Variants in FAM110D observed in about 807,000 individuals in gnomAD.
FAM110D encodes the protein family with sequence similarity 110 member D.
For missense variants in FAM110D, 376 were observed against 395.6 expected, an observed-to-expected ratio of 0.95 and a Z score of 0.42; for synonymous variants, 174 against 189.4, an observed-to-expected ratio of 0.92 and a Z score of 0.67.
At chr1:26,160,566 G>A (rs114322622) in intron 1 of FAM110D, among the ~76,000 whole-genome samples, 2,042 of 152,314 alleles carry the variant, frequency 0.013, 42 homozygotes, top group African/African-American at 0.047. Flanking sequence ...CTCCAAGCCA[G>A]TTTCCTCTTC....
chr1:26,162,023 G>C lies in FAM110D; in HGVS notation c.732G>C (p.Ser244=). 1 of 1,241,162 alleles carries C rather than the reference G, an allele frequency of 8.1e-7. No homozygotes were observed. Among genetic ancestry groups the C allele is most frequent in the Admixed American group, 4.3e-5 (1 of 23,446 alleles). The allele number at this position is 1,241,162 out of a possible 1,614,324, so 76.9% of individuals were successfully genotyped here. ...GSARDRRPPV[S]VVERNARVIQ... The stretch of plus-strand genomic sequence containing the variant: ...CGCGGGACCGGCGCCCCCCGGTGTC[G>C]GTGGTGGAGCGCAACGCGCGCGTCA... Residue 244 remains serine, a synonymous_variant, in exon 2 of 2, where the codon TCG becomes TCC. Transcript: ENST00000374268. The surrounding 1 kb of genome is among the most constrained non-coding windows in gnomAD (Gnocchi z 5.3).
intron 1 of FAM110D, among the ~76,000 whole-genome samples, chr1:26,159,408 T>G (rs556614476): frequency 1.3e-5 from 2 of 152,114 alleles, no homozygotes; most frequent in East Asian, 3.9e-4. Flanking sequence ...ATTTTGGTCC[T>G]TGTGATTAGG....
Position 26,162,090 on chromosome 1 carries a change from C to T in FAM110D, c.799C>T (p.Arg267Cys). 7.9e-7 allele frequency: 1 copy of T among 1,271,236 alleles called. No individual in the cohort carries two copies. Among genetic ancestry groups the T allele is most frequent in the Non-Finnish European group, 9.9e-7 (1 of 1,009,588 alleles). The allele number at this position is 1,271,236 out of a possible 1,614,324, so 78.7% of individuals were successfully genotyped here. A position where few individuals can be genotyped will look rare whatever the true frequency, so the allele number is the denominator to read the frequency against. The change falls in exon 2 of 2, where the codon CGC becomes TGC. Residue 267 changes from arginine to cysteine, a missense_variant. Arg to Cys is a radical substitution (Grantham distance 180). Transcript: ENST00000374268. This position sits in a 1 kb window ranked among gnomAD's most constrained non-coding sequence, Gnocchi z 5.3. ...CTGCCAGCGCGCCCGCGGACCGCCG[C>T]GCGAGTCCGAGGTGTGACCGCCGCG... Reference protein sequence around the residue: ...YGCQRARGPPRESEV With the variant: ...YGCQRARGPPCESEV
Position 26,162,215 on chromosome 1 carries a change from G to T in FAM110D, c.*108G>T. The T allele has an allele frequency of 1.4e-6, 1 of 695,118 alleles. No individual in the cohort carries two copies. The allele number at this position is 695,118 out of a possible 1,614,324, so 43.1% of individuals were successfully genotyped here. A position where few individuals can be genotyped will look rare whatever the true frequency, so the allele number is the denominator to read the frequency against. On this transcript the variant is annotated 3_prime_UTR_variant, in exon 2 of 2. Coordinates refer to ENST00000374268, the MANE Select transcript of FAM110D (RefSeq NM_024869.3). The surrounding 1 kb of genome is among the most constrained non-coding windows in gnomAD (Gnocchi z 5.3). ...CGTAAGCCCTTCCTTCTGGAACTCA[G>T]TTTCGCGTCTGAACCTTGGGGAGGT... is the stretch of plus-strand genomic sequence containing the variant.
chr1:26,161,320 C>T lies in FAM110D; in HGVS notation c.29C>T (p.Ser10Phe). ...CTCCTGGCCCCTCCCTCCACCCCGTCCAGAGGACGGACCCCCAGCGCCGTG... is the reference window on the plus strand; with the variant it reads ...CTCCTGGCCCCTCCCTCCACCCCGTTCAGAGGACGGACCCCCAGCGCCGTG... Reference protein sequence around the residue: MLLAPPSTPSRGRTPSAVER... With the variant: MLLAPPSTPFRGRTPSAVER... Residue 10 changes from serine (S) to phenylalanine (F), a missense_variant, in exon 2 of 2, where the codon TCC becomes TTC. Coordinates refer to ENST00000374268, the MANE Select transcript of FAM110D (RefSeq NM_024869.3). This position sits in a 1 kb window ranked among gnomAD's most constrained non-coding sequence, Gnocchi z 5.4. 6.3e-7 allele frequency: 1 copy of T among 1,588,254 alleles called. No homozygotes were observed. The highest frequency in any genetic ancestry group is 8.6e-7 in the Non-Finnish European group (1 of 1,167,712).
rs1302705491 is a variant in FAM110D, at chr1:26,161,600, G to A, written c.309G>A (p.Lys103=). 6.4e-7 allele frequency: 1 copy of A among 1,550,464 alleles called. No individual in the cohort carries two copies. The highest frequency in any genetic ancestry group is 2.4e-5 in the East Asian group (1 of 40,960). ...CTTCGGTGAACAAAGAGAACGCCAA[G>A]GGCCAGGGTCTGGTGCGGCGCCTCT... ...CKASVNKENA[K]GQGLVRRLFL... The change falls in exon 2 of 2, where the codon AAG becomes AAA. Residue 103 remains lysine, a synonymous_variant. Transcript: ENST00000374268. The surrounding 1 kb of genome is among the most constrained non-coding windows in gnomAD (Gnocchi z 5.4).
chr1:26,162,314 G>T lies in FAM110D; in HGVS notation c.*207G>T, dbSNP rs543676566. 275 of 379,904 alleles carry T rather than the reference G, an allele frequency of 7.2e-4. No homozygotes were observed. Among genetic ancestry groups the T allele is most frequent in the Non-Finnish European group, 1.1e-3 (228 of 205,624 alleles). The allele number at this position is 379,904 out of a possible 1,614,324, so 23.5% of individuals were successfully genotyped here. On this transcript the variant is annotated 3_prime_UTR_variant, in exon 2 of 2. Transcript: ENST00000374268. This position sits in a 1 kb window ranked among gnomAD's most constrained non-coding sequence, Gnocchi z 5.3. ...GAGGGAGAGGCCTCTTGGTCCCTGT[G>T]GAGACCCGGTCTGGGGAGTCACGAT... is the stretch of plus-strand genomic sequence containing the variant.
chr1:26,160,883 T>G (rs2088360212), intron 1 of FAM110D, among the ~76,000 whole-genome samples: 1 of 152,268 alleles, frequency 6.6e-6, no homozygotes, highest in Non-Finnish European at 1.5e-5. Context: ...AGAGGTATTT[T>G]TTCCGGTTGA....
In FAM110D at chr1:26,161,431, C is replaced by A; in HGVS notation, c.140C>A (p.Pro47His). Residue 47 changes from proline to histidine, a missense_variant, in exon 2 of 2, where the codon CCT becomes CAT. Transcript: ENST00000374268. The surrounding 1 kb of genome is among the most constrained non-coding windows in gnomAD (Gnocchi z 5.4). ...CAGGAGCCAGCCCTGCGTGGGAGTC[C>A]TGGGCCGCTCACGCCGCACCCCTGC... ...RRQEPALRGSPGPLTPHPCNE... is the reference protein window; with the variant it reads ...RRQEPALRGSHGPLTPHPCNE... The A allele has an allele frequency of 6.3e-7, 1 of 1,589,786 alleles. No homozygotes were observed. The highest frequency in any genetic ancestry group is 2.3e-5 in the East Asian group (1 of 43,512).
Position 26,161,591 on chromosome 1 carries a change from G to A in FAM110D, c.300G>A (p.Glu100=), listed in dbSNP as rs777080819. The change falls in exon 2 of 2, where the codon GAG becomes GAA. Residue 100 remains glutamate (E), a synonymous_variant. Transcript: ENST00000374268. This position sits in a 1 kb window ranked among gnomAD's most constrained non-coding sequence, Gnocchi z 5.4. ...KRDCKASVNK[E]NAKGQGLVRR... is the part of the protein sequence containing the mutation. ...ACTGCAAGGCTTCGGTGAACAAAGA[G>A]AACGCCAAGGGCCAGGGTCTGGTGC... 18 of 1,550,306 alleles carry A rather than the reference G, an allele frequency of 1.2e-5. No individual in the cohort carries two copies. The African/African-American group carries it at 2.3e-4, about 20-fold the overall frequency.
chr1:26,160,155 G>A (rs1468675026), intron 1 of FAM110D, among the ~76,000 whole-genome samples: 3 of 150,276 alleles, frequency 2.0e-5, no homozygotes, highest in African/African-American at 7.4e-5. Flanking sequence ...GCAGTGGTGC[G>A]CGATCTCGGC....
Position 26,161,102 on chromosome 1 carries a change from G to T in FAM110D, c.-80-110G>T, listed in dbSNP as rs1036742292. 2 of 586,056 alleles carry T rather than the reference G, an allele frequency of 3.4e-6. No individual in the cohort carries two copies. The highest frequency in any genetic ancestry group is 4.9e-5 in the South Asian group (2 of 40,926). 36.3% of individuals were successfully genotyped at this position (586,056 alleles called of 1,614,324 possible). A position where few individuals can be genotyped will look rare whatever the true frequency, so the allele number is the denominator to read the frequency against. On this transcript the variant is annotated intron_variant, in intron 1 of 1. Coordinates refer to ENST00000374268, the MANE Select transcript of FAM110D (RefSeq NM_024869.3). This position sits in a 1 kb window ranked among gnomAD's most constrained non-coding sequence, Gnocchi z 5.4. The stretch of plus-strand genomic sequence containing the variant: ...CCTCTGCTCCCTGGATGTGGCACCG[G>T]CTAACCTGGATGGGAGAGGGTGGCT...
chr1:26,160,096 CT>C (rs1165832975), intron 1 of FAM110D, among the ~76,000 whole-genome samples: 113 of 121,532 alleles, frequency 9.3e-4, no homozygotes, highest in Admixed American at 1.4e-3. Flanking sequence ...TTTTTTTTTT[CT>C]TTTTTTTTTT....
rs2124491188 is a variant in FAM110D, at chr1:26,161,153, G to A, written c.-80-59G>A. Reference sequence around the variant, plus strand: ...GACTGATCCTATACTGAGGAATGCCGGCAGGAGAGGACCAGGGGCATTTCC... The same window carrying A: ...GACTGATCCTATACTGAGGAATGCCAGCAGGAGAGGACCAGGGGCATTTCC... On this transcript the variant is annotated intron_variant, in intron 1 of 1. Coordinates refer to ENST00000374268, the MANE Select transcript of FAM110D (RefSeq NM_024869.3). The surrounding 1 kb of genome is among the most constrained non-coding windows in gnomAD (Gnocchi z 5.4). 7 of 859,696 alleles carry A rather than the reference G, an allele frequency of 8.1e-6. No individual in the cohort carries two copies. Among genetic ancestry groups the A allele is most frequent in the African/African-American group, 1.7e-5 (1 of 58,572 alleles). 53.3% of individuals were successfully genotyped at this position (859,696 alleles called of 1,614,324 possible). A position where few individuals can be genotyped will look rare whatever the true frequency, so the allele number is the denominator to read the frequency against.
In FAM110D at chr1:26,161,388, C is replaced by T. The variant is rs1442215495; in HGVS notation, c.97C>T (p.Gln33Ter). Residue 33 changes from glutamine to a stop codon, truncating the protein, a stop_gained, in exon 2 of 2, where the codon CAG becomes TAG. Coordinates refer to ENST00000374268, the MANE Select transcript of FAM110D (RefSeq NM_024869.3). LOFTEE classifies it low-confidence loss of function (END_TRUNC). The surrounding 1 kb of genome is among the most constrained non-coding windows in gnomAD (Gnocchi z 5.4). ...CAAAGCCAAGTATGTCAAGACGCAC[C>T]AGGTGATAGCTAGGCGACAGGAGCC... is the stretch of plus-strand genomic sequence containing the variant. Reference protein sequence around the residue: ...ADKAKYVKTHQVIARRQEPAL... With the variant: ...ADKAKYVKTH 1 of 1,598,922 alleles carries T rather than the reference C, an allele frequency of 6.3e-7. No individual in the cohort carries two copies. Among genetic ancestry groups the T allele is most frequent in the East Asian group, 2.3e-5 (1 of 44,034 alleles).
Position 26,161,830 on chromosome 1 carries a change from G to A in FAM110D, c.539G>A (p.Gly180Asp), listed in dbSNP as rs2088372978. The change falls in exon 2 of 2, where the codon GGC becomes GAC. Residue 180 changes from glycine to aspartate, a missense_variant. Coordinates refer to ENST00000374268, the MANE Select transcript of FAM110D (RefSeq NM_024869.3). The surrounding 1 kb of genome is among the most constrained non-coding windows in gnomAD (Gnocchi z 5.4). Reference protein sequence around the residue: ...GLERALVEVLGAERFSPQSWG... With the variant: ...GLERALVEVLDAERFSPQSWG... ...GAGCGCGCGCTGGTGGAGGTGCTGGGCGCAGAGCGCTTCTCCCCGCAGAGC... is the reference window on the plus strand; with the variant it reads ...GAGCGCGCGCTGGTGGAGGTGCTGGACGCAGAGCGCTTCTCCCCGCAGAGC... 3 of 1,543,712 alleles carry A rather than the reference G, an allele frequency of 1.9e-6. No individual in the cohort carries two copies. The highest frequency in any genetic ancestry group is 1.2e-5 in the South Asian group (1 of 83,786).
chr1:26,161,297 C>A lies in FAM110D; in HGVS notation c.6C>A (p.Leu2=). The A allele has an allele frequency of 6.4e-7, 1 of 1,573,402 alleles. No individual in the cohort carries two copies. Among genetic ancestry groups the A allele is most frequent in the South Asian group, 1.2e-5 (1 of 85,454 alleles). The part of the protein sequence containing the change: M[L]LAPPSTPSRG... ...TCCTGACCAGCTCTGCTAAGATGCTCCTGGCCCCTCCCTCCACCCCGTCCA... is the reference window on the plus strand; with the variant it reads ...TCCTGACCAGCTCTGCTAAGATGCTACTGGCCCCTCCCTCCACCCCGTCCA... The change falls in exon 2 of 2, where the codon CTC becomes CTA. Residue 2 remains leucine, a synonymous_variant. Transcript: ENST00000374268. The surrounding 1 kb of genome is among the most constrained non-coding windows in gnomAD (Gnocchi z 5.4).
chr1:26,161,954 G>A lies in FAM110D; in HGVS notation c.663G>A (p.Pro221=). Residue 221 remains proline, a synonymous_variant, in exon 2 of 2, where the codon CCG becomes CCA. Coordinates refer to ENST00000374268, the MANE Select transcript of FAM110D (RefSeq NM_024869.3). This position sits in a 1 kb window ranked among gnomAD's most constrained non-coding sequence, Gnocchi z 5.4. ...CCAGCGACAGGGGCGTGGACAGCCC[G>A]GGCGGCGCGGGCGGCGGCGGCGGCT... ...WTSSDRGVDS[P]GGAGGGGGSE... 1.4e-5 allele frequency: 17 copies of A among 1,249,060 alleles called. No homozygotes were observed. The highest frequency in any genetic ancestry group is 1.6e-5 in the Non-Finnish European group (16 of 1,001,414). 77.4% of individuals were successfully genotyped at this position (1,249,060 alleles called of 1,614,324 possible). A position where few individuals can be genotyped will look rare whatever the true frequency, so the allele number is the denominator to read the frequency against.
rs144921828 is a variant in FAM110D at position 26,160,030 on chromosome 1, C to T, written c.-81+904C>T. ...AGTGAGGCAAGGGGCCCATTTCTAACGGAAATTGCTTGGTTTTATAGCAGC... is the reference window on the plus strand; with the variant it reads ...AGTGAGGCAAGGGGCCCATTTCTAATGGAAATTGCTTGGTTTTATAGCAGC... On this transcript the variant is annotated intron_variant, in intron 1 of 1. Coordinates refer to ENST00000374268, the MANE Select transcript of FAM110D (RefSeq NM_024869.3). Among the ~76,000 whole-genome samples, 121 of 151,142 alleles carry T rather than the reference C, an allele frequency of 8.0e-4. 1 individual carries two copies. The highest frequency in any genetic ancestry group is 2.6e-3 in the African/African-American group (107 of 41,136).
Sources: gnomAD v4.1 joint callset for allele counts (sites outside exome capture counted in the v4.1 genomes callset) on GRCh38, gnomAD v4.1.1 for gene constraint, Gnocchi (gnomAD v3.1) non-coding constraint, MANE v1.5 for transcripts, NCBI Gene and HGNC (gene_info 2026-07-23, HGNC 2026-07-21) for gene names.